Variants in L3MBTL4 observed in about 807,000 individuals in gnomAD.
L3MBTL4 encodes the protein lethal(3)malignant brain tumor-like protein 4.
A neutral mutation model predicts 84.5 loss-of-function variants in L3MBTL4; 70 were observed. The observed-to-expected ratio is 0.83, with a 90% CI of 0.68 to 1.01. The LOEUF (loss-of-function observed/expected upper bound fraction) is 1.01, where lower values mean the gene tolerates loss of function less well. L3MBTL4 is among the 50% of genes least tolerant of loss of function. L3MBTL4 has a pLI of 0.00. For missense variants in L3MBTL4, 715 were observed against 754.8 expected (o/e 0.95, Z 0.62); for synonymous variants, 274 against 259.8 (o/e 1.05, Z -0.52).
chr18:6,159,001 A>G (rs1464664256), intron 13 of L3MBTL4, among the ~76,000 whole-genome samples: 2 of 152,204 alleles, frequency 1.3e-5, no homozygotes, highest in African/African-American at 4.8e-5. Flanking sequence ...GTAAGGCTCC[A>G]TCTTCCTGGG....
At chr18:6,324,979 T>A (rs1013788304) in intron 1 of L3MBTL4, among the ~76,000 whole-genome samples, 1 of 152,016 alleles carries the variant, frequency 6.6e-6, no homozygotes, top group Non-Finnish European at 1.5e-5. Context: ...CCCACTAGAA[T>A]GACAAAAATT....
chr18:6,283,069 G>A (rs2729742), intron 4 of L3MBTL4, among the ~76,000 whole-genome samples: 3 of 152,002 alleles, frequency 2.0e-5, no homozygotes, highest in East Asian at 3.9e-4. Context: ...TGAGAGTGAC[G>A]TTAAATCCAG....
intron 16 of L3MBTL4, among the ~76,000 whole-genome samples, chr18:6,080,365 C>T (rs1568082841): frequency 2.0e-5 from 3 of 152,232 alleles, no homozygotes; most frequent in East Asian, 1.9e-4. Flanking sequence ...AAAATTCTGT[C>T]TATATGGAGC....
At chr18:6,148,782 C>T (rs1408833093) in intron 13 of L3MBTL4, among the ~76,000 whole-genome samples, 1 of 151,864 alleles carries the variant, frequency 6.6e-6, no homozygotes, top group Non-Finnish European at 1.5e-5. Flanking sequence ...TATTGGCATA[C>T]ACAAAAAAAT....
In L3MBTL4 at chr18:6,100,775, G is replaced by T. The variant is rs564268584; in HGVS notation, c.1200-7247C>A. 2.6e-5 allele frequency among the ~76,000 whole-genome samples: 4 copies of T among 152,308 alleles called. No homozygotes were observed. In the South Asian group the frequency reaches 6.2e-4, roughly 24 times the overall value. The stretch of plus-strand genomic sequence containing the variant: ...CCATTGGCACCAGGTGGGGAGTGGG[G>T]GAGCAGTGGCCCTGTTAATGTTGGG... On this transcript the variant is annotated intron_variant, in intron 14 of 18. Transcript: ENST00000317931.
intron 16 of L3MBTL4, among the ~76,000 whole-genome samples, chr18:5,981,855 A>G (rs1482317720): frequency 2.0e-5 from 3 of 152,054 alleles, no homozygotes; most frequent in Non-Finnish European, 4.4e-5. Flanking sequence ...CACAAAAGCT[A>G]TTCTGTTCTG....
At chr18:6,333,729 A>G (rs537466178) in intron 1 of L3MBTL4, among the ~76,000 whole-genome samples, 2 of 147,578 alleles carry the variant, frequency 1.4e-5, no homozygotes, top group African/African-American at 2.6e-5. Context: ...CAGCAAATCA[A>G]TGGAAACAAG....
At chr18:6,264,420 T>G (rs1196231974) in intron 4 of L3MBTL4, among the ~76,000 whole-genome samples, 1 of 152,230 alleles carries the variant, frequency 6.6e-6, no homozygotes, top group Non-Finnish European at 1.5e-5. Context: ...ACTTTCATAC[T>G]TCTTTTTGCT....
intron 1 of L3MBTL4, among the ~76,000 whole-genome samples, chr18:6,313,529 TAAATAC>T (rs2050938551): frequency 1.3e-5 from 2 of 152,254 alleles, no homozygotes; most frequent in African/African-American, 4.8e-5. Context: ...TTGTAGAATG[TAAATAC>T]AATGTTTCAT....
intron 14 of L3MBTL4, among the ~76,000 whole-genome samples, chr18:6,114,217 A>C (rs2059287230): frequency 6.6e-6 from 1 of 152,210 alleles, no homozygotes; most frequent in Admixed American, 6.5e-5. Flanking sequence ...AACTTGAAGG[A>C]GATAAGAGCA....
At chr18:6,031,938 C>A (rs1167968099) in intron 16 of L3MBTL4, 10 of 671,650 alleles carry the variant, frequency 1.5e-5, no homozygotes. Flanking sequence ...GGTTTGTACC[C>A]ATTAAAAGGA....
At chr18:6,018,704 C>G (rs999195320) in intron 16 of L3MBTL4, among the ~76,000 whole-genome samples, 5 of 152,172 alleles carry the variant, frequency 3.3e-5, no homozygotes, top group African/African-American at 1.2e-4. Flanking sequence ...AATATCTAAA[C>G]AGTAGCATGA....
At position 5,985,620 on chromosome 18, in the gene L3MBTL4, A is replaced by T. The variant is rs369933537; in HGVS notation, c.1445-16058T>A. On this transcript the variant is annotated intron_variant, in intron 16 of 18. Coordinates refer to ENST00000317931, the MANE Select transcript of L3MBTL4 (RefSeq NM_001330559.2). ...GGACCCTACGTTATATTCCCGAAGGATGTTTAAGTTATAAAGGAAGGTTCT... is the reference window on the plus strand; with the variant it reads ...GGACCCTACGTTATATTCCCGAAGGTTGTTTAAGTTATAAAGGAAGGTTCT... 2.6e-5 allele frequency among the ~76,000 whole-genome samples: 4 copies of T among 152,284 alleles called. No homozygotes were observed. The East Asian group carries it at 7.7e-4, about 29-fold the overall frequency.
chr18:6,040,797 A>T (rs1174360126), intron 16 of L3MBTL4, among the ~76,000 whole-genome samples: 2 of 152,010 alleles, frequency 1.3e-5, no homozygotes, highest in Non-Finnish European at 2.9e-5. Flanking sequence ...TCTTGGCTCC[A>T]CTCGACCCTT....
intron 12 of L3MBTL4, among the ~76,000 whole-genome samples, chr18:6,181,603 T>C (rs2044474920): frequency 6.6e-6 from 1 of 152,110 alleles, no homozygotes; most frequent in Non-Finnish European, 1.5e-5. Flanking sequence ...GTGCTGGGAT[T>C]ACAGGTGTGA....
intron 1 of L3MBTL4, among the ~76,000 whole-genome samples, chr18:6,406,995 G>C (rs922674974): frequency 6.6e-6 from 1 of 152,114 alleles, no homozygotes; most frequent in Non-Finnish European, 1.5e-5. Flanking sequence ...CACACTTTGC[G>C]CATCACGGTG....
At chr18:6,118,342 C>T (rs377192423) in intron 14 of L3MBTL4, among the ~76,000 whole-genome samples, 14 of 152,090 alleles carry the variant, frequency 9.2e-5, no homozygotes, top group African/African-American at 7.2e-5. Context: ...CACCTTTCCC[C>T]GGAAACTTTT....
At chr18:6,295,514 C>T (rs2050071664) in intron 4 of L3MBTL4, among the ~76,000 whole-genome samples, 1 of 151,870 alleles carries the variant, frequency 6.6e-6, no homozygotes, top group Non-Finnish European at 1.5e-5. Flanking sequence ...CACGAATTCA[C>T]CCAAAAGAGA....
intron 1 of L3MBTL4, among the ~76,000 whole-genome samples, chr18:6,334,795 T>C: frequency 6.6e-6 from 1 of 152,210 alleles, no homozygotes; most frequent in East Asian, 1.9e-4. Flanking sequence ...TATGAGCTGA[T>C]TTCCTTACCA....
Sources: allele counts gnomAD v4.1 joint callset (sites outside exome capture counted in the v4.1 genomes callset), GRCh38; gene constraint gnomAD v4.1.1; transcripts MANE v1.5; gene names NCBI Gene and HGNC (gene_info 2026-07-23, HGNC 2026-07-21).